CFAP107: variants seen among roughly 807,000 people sequenced by gnomAD.
CFAP107 encodes the protein cilia and flagella associated protein 107, also known as cilia- and flagella-associated protein 107.
At chr1:12,760,922 C>A in the CFAP107 span, 1 of 1,613,380 alleles carries the variant, frequency 6.2e-7, no homozygotes, top group East Asian at 2.2e-5. Context: ...GGTCCCTCCC[C>A]ATCGCCTGCA....
At chr1:12,749,744 T>C in the CFAP107 span, among the ~76,000 whole-genome samples, 1 of 152,230 alleles carries the variant, frequency 6.6e-6, no homozygotes. Context: ...GATAATTCTG[T>C]ATTCCACAAA....
At chr1:12,752,634 A>C in the CFAP107 span, among the ~76,000 whole-genome samples, 1 of 150,980 alleles carries the variant, frequency 6.6e-6, no homozygotes, top group Non-Finnish European at 1.5e-5. Flanking sequence ...AAAAGACATG[A>C]TCATCACAAT....
At chr1:12,747,993 C>A in the CFAP107 span, among the ~76,000 whole-genome samples, 4 of 152,092 alleles carry the variant, frequency 2.6e-5, no homozygotes, top group African/African-American at 9.7e-5. Context: ...AGATATATAG[C>A]GACAAATCAA....
At chr1:12,749,410 G>A in the CFAP107 span, among the ~76,000 whole-genome samples, 10 of 152,144 alleles carry the variant, frequency 6.6e-5, no homozygotes, top group African/African-American at 9.7e-5. Flanking sequence ...CCAGGAGTTC[G>A]AGACCAGCTG....
the CFAP107 span, chr1:12,746,335 A>T: frequency 1.1e-6 from 1 of 890,948 alleles, no homozygotes; most frequent in Non-Finnish European, 1.8e-6. Context: ...AAGACAAAAT[A>T]GGCACCCCAA....
the CFAP107 span, among the ~76,000 whole-genome samples, chr1:12,754,903 G>A: frequency 6.6e-6 from 1 of 152,176 alleles, no homozygotes; most frequent in Non-Finnish European, 1.5e-5. Flanking sequence ...TTTCAGTTTT[G>A]CAATGTAAGT....
At chr1:12,756,977 C>T in the CFAP107 span, among the ~76,000 whole-genome samples, 3 of 152,200 alleles carry the variant, frequency 2.0e-5, no homozygotes, top group African/African-American at 7.2e-5. Flanking sequence ...GTGCTGGCAA[C>T]CCCAGATGAC....
chr1:12,748,778 C>A, the CFAP107 span, among the ~76,000 whole-genome samples: 1 of 152,068 alleles, frequency 6.6e-6, no homozygotes, highest in Non-Finnish European at 1.5e-5. Context: ...TTAAAACAAC[C>A]ATCTTAAATA....
the CFAP107 span, chr1:12,746,659 G>A: frequency 1.4e-6 from 1 of 719,710 alleles, no homozygotes; most frequent in Admixed American, 2.1e-5. Flanking sequence ...TTAAAAATGT[G>A]GCATTGGGGT....
the CFAP107 span, among the ~76,000 whole-genome samples, chr1:12,747,172 A>G: frequency 6.6e-6 from 1 of 151,682 alleles, no homozygotes; most frequent in African/African-American, 2.4e-5. Context: ...GGCTCAAGCG[A>G]TTCTCTTGCC....
chr1:12,756,673 G>T, the CFAP107 span, among the ~76,000 whole-genome samples: 168 of 152,244 alleles, frequency 1.1e-3, no homozygotes, highest in African/African-American at 3.8e-3. Flanking sequence ...TACTATACCT[G>T]CTTCAACTCA....
At chr1:12,759,579 A>G in the CFAP107 span, 1 of 1,446,974 alleles carries the variant, frequency 6.9e-7, no homozygotes, top group Non-Finnish European at 9.7e-7. Flanking sequence ...AAGGAGCCAC[A>G]CAGGTGACCC....
chr1:12,755,811 G>A, the CFAP107 span: 1 of 1,608,028 alleles, frequency 6.2e-7, no homozygotes, highest in Non-Finnish European at 8.5e-7. Context: ...GAGGAAAGTT[G>A]AGGTAAGAGG....
chr1:12,754,432 G>A, the CFAP107 span, among the ~76,000 whole-genome samples: 1 of 152,218 alleles, frequency 6.6e-6, no homozygotes, highest in South Asian at 2.1e-4. Context: ...TACTGCCACT[G>A]TGGAAAACAA....
At chr1:12,756,113 G>A in the CFAP107 span, among the ~76,000 whole-genome samples, 1 of 152,230 alleles carries the variant, frequency 6.6e-6, no homozygotes, top group South Asian at 2.1e-4. Flanking sequence ...GGTAAATGAT[G>A]CATATAGTCA....
At chr1:12,762,892 A>AC in the CFAP107 span, 428 of 151,794 alleles carry the variant, frequency 2.8e-3, 1 homozygote, top group Non-Finnish European at 4.2e-3. Flanking sequence ...CCACACATAA[A>AC]AAAATGAACA....
chr1:12,751,588 C>T, the CFAP107 span, among the ~76,000 whole-genome samples: 5 of 152,280 alleles, frequency 3.3e-5, no homozygotes, highest in South Asian at 4.2e-4. Flanking sequence ...GATTATACCA[C>T]TGCACTCCAA....
At chr1:12,754,498 C>T in the CFAP107 span, among the ~76,000 whole-genome samples, 1 of 152,220 alleles carries the variant, frequency 6.6e-6, no homozygotes, top group African/African-American at 2.4e-5. Context: ...CCAGCAATTA[C>T]ACTTCTGGTT....
the CFAP107 span, among the ~76,000 whole-genome samples, chr1:12,757,949 C>A: frequency 6.6e-6 from 1 of 152,230 alleles, no homozygotes; most frequent in Admixed American, 6.5e-5. Flanking sequence ...ATTTCCTCTG[C>A]CTTAAATCAC....
Sources: gnomAD v4.1 joint callset for allele counts (sites outside exome capture counted in the v4.1 genomes callset) on GRCh38, gnomAD v4.1.1 for gene constraint, MANE v1.5 for transcripts, NCBI Gene and HGNC (gene_info 2026-07-23, HGNC 2026-07-21) for gene names.